SNTG2: variants seen among roughly 807,000 people sequenced by gnomAD.
SNTG2 encodes the protein gamma-2-syntrophin.
Under a neutral mutation model 70.9 loss-of-function variants are expected in SNTG2, and 74 were observed. The ratio of observed to expected loss-of-function variants is 1.04; its 90% CI spans 0.86 to 1.27. The LOEUF (loss-of-function observed/expected upper bound fraction) is 1.27. Among genes scored for constraint, SNTG2 ranks in the 50% most tolerant of loss-of-function variants. The probability of loss-of-function intolerance (pLI) is 0.00; values close to 1 mark genes in which losing one functional copy is unlikely to be tolerated. For synonymous variants in SNTG2, 278 were observed against 273.8 expected (o/e 1.02, Z -0.15); for missense variants, 717 against 690.7 (o/e 1.04, Z -0.43).
chr2:973,160 C>G (rs1052860327), intron 1 of SNTG2, among the ~76,000 whole-genome samples: 2 of 152,124 alleles, frequency 1.3e-5, no homozygotes, highest in Admixed American at 6.6e-5. Flanking sequence ...TCCTTTATCC[C>G]TTTATTTAAT....
intron 1 of SNTG2, among the ~76,000 whole-genome samples, chr2:1,018,966 T>C (rs933935539): frequency 1.3e-5 from 2 of 152,084 alleles, no homozygotes; most frequent in African/African-American, 4.8e-5. Flanking sequence ...TCCTGACAGG[T>C]TTCCCACTTG....
At chr2:1,009,042 G>A (rs1257806554) in intron 1 of SNTG2, among the ~76,000 whole-genome samples, 2 of 122,806 alleles carry the variant, frequency 1.6e-5, no homozygotes, top group Non-Finnish European at 3.6e-5. Context: ...AGAGCACCTA[G>A]GAAAATATTT....
At chr2:1,289,386 G>A (rs1304422644) in intron 14 of SNTG2, among the ~76,000 whole-genome samples, 2 of 151,896 alleles carry the variant, frequency 1.3e-5, no homozygotes, top group Non-Finnish European at 2.9e-5. Flanking sequence ...CTCACTGCCC[G>A]CATGTGTCTC....
At chr2:1,113,299 CTAAG>C (rs113083973) in intron 4 of SNTG2, among the ~76,000 whole-genome samples, 16 of 150,378 alleles carry the variant, frequency 1.1e-4, no homozygotes, top group South Asian at 4.2e-4. Context: ...ATCGTGTGTA[CTAAG>C]TGAGGTTTAA....
intron 16 of SNTG2, among the ~76,000 whole-genome samples, chr2:1,339,699 G>A (rs1394759815): frequency 1.3e-5 from 2 of 152,196 alleles, no homozygotes; most frequent in Non-Finnish European, 2.9e-5. Context: ...TGAATATCAA[G>A]AGGAAAATGT....
chr2:1,349,453 C>T (rs1305720580), intron 16 of SNTG2, among the ~76,000 whole-genome samples: 2 of 152,174 alleles, frequency 1.3e-5, no homozygotes, highest in African/African-American at 4.8e-5. Context: ...ACAATGCTAA[C>T]CTTGTGGCCC....
At chr2:1,284,883 A>G (rs1385188834) in intron 14 of SNTG2, among the ~76,000 whole-genome samples, 1 of 141,368 alleles carries the variant, frequency 7.1e-6, no homozygotes, top group Non-Finnish European at 1.5e-5. Flanking sequence ...TGTATTAGTC[A>G]GGGTTCTCTA....
chr2:1,138,016 A>G (rs1359161959), intron 6 of SNTG2, among the ~76,000 whole-genome samples: 1 of 152,212 alleles, frequency 6.6e-6, no homozygotes, highest in Non-Finnish European at 1.5e-5. Context: ...GCACTTCACG[A>G]GCATTCCTGT....
chr2:1,223,838 ACCTTAGTTCCACAGATGGGTGG>A (rs1346000485), intron 9 of SNTG2, among the ~76,000 whole-genome samples: 2 of 126,630 alleles, frequency 1.6e-5, no homozygotes, highest in African/African-American at 2.8e-5. Context: ...CAGATGGGTG[ACCTTAGTTCCACAGATGGGTGG>A]CCTTACGCAG....
At chr2:1,346,948 C>T (rs771759931) in intron 16 of SNTG2, among the ~76,000 whole-genome samples, 1 of 152,190 alleles carries the variant, frequency 6.6e-6, no homozygotes, top group Middle Eastern at 3.4e-3. Flanking sequence ...CATCTGCATC[C>T]ACCACGTCAT....
chr2:1,105,701 C>A (rs1666073563), intron 4 of SNTG2, among the ~76,000 whole-genome samples: 1 of 152,184 alleles, frequency 6.6e-6, no homozygotes, highest in Non-Finnish European at 1.5e-5. Context: ...TCCTCAGGAC[C>A]CTGCTGCCCC....
At chr2:1,364,737 CA>C (rs371977526) in intron 16 of SNTG2, among the ~76,000 whole-genome samples, 2 of 132,014 alleles carry the variant, frequency 1.5e-5, no homozygotes, top group African/African-American at 5.8e-5. Flanking sequence ...CTAAAAATAC[CA>C]AAAAAAAAAA....
chr2:1,031,395 A>T (rs10207582), intron 1 of SNTG2, among the ~76,000 whole-genome samples: 2 of 150,472 alleles, frequency 1.3e-5, no homozygotes, highest in Non-Finnish European at 3.0e-5. Flanking sequence ...TAGCTTCCTA[A>T]GATGTGCTTT....
intron 1 of SNTG2, among the ~76,000 whole-genome samples, chr2:1,023,837 G>A (rs1342156586): frequency 3.3e-5 from 5 of 152,310 alleles, no homozygotes; most frequent in East Asian, 3.9e-4. Context: ...CACCAGGTCC[G>A]GCTGCAGGCT....
At chr2:1,233,602 G>A (rs577447044) in intron 9 of SNTG2, among the ~76,000 whole-genome samples, 156 of 152,306 alleles carry the variant, frequency 1.0e-3, no homozygotes, top group Non-Finnish European at 1.8e-3. Flanking sequence ...AAACAGACTG[G>A]CTGTCCTCCA....
intron 1 of SNTG2, among the ~76,000 whole-genome samples, chr2:1,015,630 C>T (rs6548172): frequency 6.6e-6 from 1 of 152,138 alleles, no homozygotes; most frequent in Non-Finnish European, 1.5e-5. Context: ...AAATTTCCAT[C>T]AATGGGGATG....
intron 7 of SNTG2, among the ~76,000 whole-genome samples, chr2:1,169,391 C>T (rs913570636): frequency 5.3e-5 from 8 of 152,108 alleles, no homozygotes; most frequent in South Asian, 2.1e-4. Flanking sequence ...ATGGGTGCTG[C>T]GTCTAAGCCA....
intron 1 of SNTG2, among the ~76,000 whole-genome samples, chr2:1,016,291 G>A (rs982406996): frequency 6.6e-6 from 1 of 152,182 alleles, no homozygotes. Context: ...ACCCAGGCTG[G>A]AGTTCAGTGG....
chr2:1,315,408 A>C (rs1681228625), intron 15 of SNTG2, among the ~76,000 whole-genome samples: 1 of 152,162 alleles, frequency 6.6e-6, no homozygotes, highest in African/African-American at 2.4e-5. Context: ...GTCTCTCCTG[A>C]CACTTAGAGA....
Sources: allele counts gnomAD v4.1 joint callset (sites outside exome capture counted in the v4.1 genomes callset), GRCh38; gene constraint gnomAD v4.1.1; transcripts MANE v1.5; gene names NCBI Gene and HGNC (gene_info 2026-07-23, HGNC 2026-07-21).